Variants in GRK5 observed in about 807,000 individuals in gnomAD.
GRK5 encodes the protein G protein-coupled receptor kinase 5.
GRK5 carries 40 observed loss-of-function variants against 78.4 expected under a neutral mutation model. That is an observed-to-expected ratio of 0.51 (90% CI 0.40 to 0.66). The LOEUF (loss-of-function observed/expected upper bound fraction) is 0.66, where lower values mean the gene tolerates loss of function less well. GRK5 is among the 30% of genes least tolerant of loss of function. The pLI is 0.00. For synonymous variants in GRK5, 289 were observed against 296.8 expected, an observed-to-expected ratio of 0.97 and a Z score of 0.27; for missense variants, 598 against 759.9, an observed-to-expected ratio of 0.79 and a Z score of 2.50.
In GRK5 at chr10:119,396,696, C is replaced by T. The variant is rs769402461; in HGVS notation, c.263C>T (p.Ala88Val). Residue 88 changes from alanine (A) to valine (V), a missense_variant and splice_region_variant, in exon 4 of 16, where the codon GCA becomes GTA. Coordinates refer to ENST00000392870, the MANE Select transcript of GRK5 (RefSeq NM_005308.3). ...ECYIQFLDSV[A>V]EYEVTPDEKL... ...TTCTTTTTTCTCCTTCTGTTTTAGG[C>T]AGAATATGAAGTTACTCCAGATGAA... is the stretch of plus-strand genomic sequence containing the variant. The T allele has an allele frequency of 6.2e-7, 1 of 1,609,690 alleles. No homozygotes were observed. The highest frequency in any genetic ancestry group is 2.2e-5 in the East Asian group (1 of 44,854).
chr10:119,394,348 A>ACG (rs1564917089), intron 3 of GRK5, among the ~76,000 whole-genome samples: 1 of 33,172 alleles, frequency 3.0e-5, no homozygotes, highest in African/African-American at 1.6e-4. Flanking sequence ...GTGTGTGGGC[A>ACG]TGTGGGTGTG....
chr10:119,214,127 A>G (rs1848532231), intron 1 of GRK5, among the ~76,000 whole-genome samples: 1 of 152,014 alleles, frequency 6.6e-6, no homozygotes, highest in Non-Finnish European at 1.5e-5. Flanking sequence ...GGCGCCCACC[A>G]TCAAGCCTGG....
chr10:119,210,779 A>G (rs932480344), intron 1 of GRK5, among the ~76,000 whole-genome samples: 2 of 152,252 alleles, frequency 1.3e-5, no homozygotes, highest in African/African-American at 4.8e-5. Flanking sequence ...GTCCCAAACA[A>G]TAGAGAAACA....
intron 1 of GRK5, among the ~76,000 whole-genome samples, chr10:119,214,993 G>A (rs1397978841): frequency 6.6e-6 from 1 of 152,260 alleles, no homozygotes; most frequent in Non-Finnish European, 1.5e-5. Flanking sequence ...ACGGGCTGCA[G>A]TTCTGGAGTG....
chr10:119,347,216 GTA>G (rs955339479), intron 2 of GRK5, among the ~76,000 whole-genome samples: 2 of 152,144 alleles, frequency 1.3e-5, no homozygotes, highest in Admixed American at 1.3e-4. Flanking sequence ...AGTATTTCAT[GTA>G]TGTGTGTGTG....
chr10:119,248,506 T>C (rs145204592), intron 1 of GRK5, among the ~76,000 whole-genome samples: 53 of 152,266 alleles, frequency 3.5e-4, no homozygotes, highest in African/African-American at 1.2e-3. Flanking sequence ...CCCTTTCTTT[T>C]TGATACTAAA....
chr10:119,319,092 G>A (rs1384628505), intron 1 of GRK5, among the ~76,000 whole-genome samples: 1 of 152,068 alleles, frequency 6.6e-6, no homozygotes, highest in Non-Finnish European at 1.5e-5. Context: ...CTCCTCCTGC[G>A]GGGCCCCCAC....
intron 1 of GRK5, among the ~76,000 whole-genome samples, chr10:119,308,569 T>C (rs146741895): frequency 1.2e-3 from 186 of 152,334 alleles, no homozygotes; most frequent in African/African-American, 4.3e-3. Context: ...ACAGTCGGGA[T>C]GACAAAGTTA....
chr10:119,258,949 AGTC>A (rs1035812997), intron 1 of GRK5, among the ~76,000 whole-genome samples: 19 of 152,302 alleles, frequency 1.2e-4, no homozygotes, highest in African/African-American at 4.3e-4. Flanking sequence ...TTTGGCAGCC[AGTC>A]TCAGGTGAAG....
chr10:119,390,237 C>G (rs1851865667), intron 3 of GRK5, among the ~76,000 whole-genome samples: 1 of 151,970 alleles, frequency 6.6e-6, no homozygotes, highest in South Asian at 2.1e-4. Flanking sequence ...TAAAGACATA[C>G]CCAAGACTGG....
chr10:119,394,386 ATCTGTG>A (rs1851979031), intron 3 of GRK5, among the ~76,000 whole-genome samples: 1 of 6,368 alleles, frequency 1.6e-4, no homozygotes, highest in Admixed American at 1.3e-3. Flanking sequence ...CGGTGTGTGT[ATCTGTG>A]TCTGTGTGTG....
At chr10:119,362,214 T>A (rs1589764896) in intron 2 of GRK5, among the ~76,000 whole-genome samples, 1 of 152,234 alleles carries the variant, frequency 6.6e-6, no homozygotes, top group African/African-American at 2.4e-5. Context: ...GAGGTGTGCC[T>A]GGAGCATTAA....
At chr10:119,282,579 T>C (rs1223740413) in intron 1 of GRK5, among the ~76,000 whole-genome samples, 1 of 152,170 alleles carries the variant, frequency 6.6e-6, no homozygotes, top group Non-Finnish European at 1.5e-5. Context: ...CTGGATGGGC[T>C]CATGGGCAGA....
Position 119,299,381 on chromosome 10 carries a change from C to T in GRK5, c.53-27135C>T, listed in dbSNP as rs376747452. 5.1e-4 allele frequency among the ~76,000 whole-genome samples: 76 copies of T among 150,346 alleles called. 1 individual carries two copies. The East Asian group carries it at 5.3e-3, about 11-fold the overall frequency. On this transcript the variant is annotated intron_variant, in intron 1 of 15. Coordinates refer to ENST00000392870, the MANE Select transcript of GRK5 (RefSeq NM_005308.3). ...CTGGGAGGCAGAGGTTGCAGTGAGC[C>T]GAGATCACGCCACTGCACTCCAGCC...
At chr10:119,397,752 C>G (rs1852080788) in intron 4 of GRK5, among the ~76,000 whole-genome samples, 2 of 152,230 alleles carry the variant, frequency 1.3e-5, no homozygotes, top group Non-Finnish European at 2.9e-5. Flanking sequence ...TCGTTCTTCT[C>G]CAGCATCAGC....
chr10:119,334,298 G>A (rs188017080), intron 2 of GRK5, among the ~76,000 whole-genome samples: 107 of 152,266 alleles, frequency 7.0e-4, no homozygotes, highest in Non-Finnish European at 1.3e-3. Flanking sequence ...GACAGAGCGA[G>A]ACCCTCTAAA....
chr10:119,213,474 G>A (rs933143636), intron 1 of GRK5, among the ~76,000 whole-genome samples: 2 of 152,268 alleles, frequency 1.3e-5, no homozygotes, highest in South Asian at 4.1e-4. Flanking sequence ...TTGCACCACC[G>A]TACTCCGGAC....
chr10:119,332,107 AT>A lies in GRK5; in HGVS notation c.148+5513del, dbSNP rs35213335. Among the ~76,000 whole-genome samples, 695 of 131,606 alleles carry A rather than the reference AT, an allele frequency of 5.3e-3. 2 individuals carry two copies. Among genetic ancestry groups the A allele is most frequent in the African/African-American group, 5.6e-3 (197 of 35,478 alleles). 86.3% of individuals were successfully genotyped at this position (131,606 alleles called of 152,430 possible). ...GGGTCTAATAGCTATTGTAATTTTG[AT>A]TTTTTTTTTTTTTTTTGCCTCAGAG... On this transcript the variant is annotated intron_variant, in intron 2 of 15. Transcript: ENST00000392870.
chr10:119,410,776 T>G (rs1452251169), intron 4 of GRK5, among the ~76,000 whole-genome samples: 2 of 151,904 alleles, frequency 1.3e-5, no homozygotes, highest in Non-Finnish European at 2.9e-5. Flanking sequence ...TGGCATGAGC[T>G]GGAGGATAGA....
Sources: gnomAD v4.1 joint callset for allele counts (sites outside exome capture counted in the v4.1 genomes callset) on GRCh38, gnomAD v4.1.1 for gene constraint, MANE v1.5 for transcripts, NCBI Gene and HGNC (gene_info 2026-07-23, HGNC 2026-07-21) for gene names.